CNBD1: variants seen among roughly 807,000 people sequenced by gnomAD.
The protein encoded by CNBD1 is cyclic nucleotide binding domain containing 1.
In CNBD1, 71 loss-of-function variants were observed where a neutral mutation model predicts 54.4. The ratio of observed to expected loss-of-function variants is 1.30; its 90% CI spans 1.08 to 1.59. CNBD1 has a LOEUF of 1.59. Among genes scored for constraint, CNBD1 ranks in the 40% most tolerant of loss-of-function variants. CNBD1 has a pLI of 0.00. For synonymous variants in CNBD1, 182 were observed against 170.7 expected (o/e 1.07, Z -0.51); for missense variants, 659 against 518.0 (o/e 1.27, Z -2.64).
intron 10 of CNBD1, among the ~76,000 whole-genome samples, chr8:87,370,359 T>A (rs1409617661): frequency 6.6e-6 from 1 of 152,150 alleles, no homozygotes; most frequent in Non-Finnish European, 1.5e-5. Context: ...GTAAAAGTGT[T>A]CCTATTTCTC....
chr8:86,867,144 A>G (rs181904667), intron 1 of CNBD1, among the ~76,000 whole-genome samples: 1 of 152,280 alleles, frequency 6.6e-6, no homozygotes, highest in Admixed American at 6.5e-5. Flanking sequence ...AATTGACAGT[A>G]TTTTCTCATT....
At chr8:87,116,309 C>T (rs960608274) in intron 4 of CNBD1, among the ~76,000 whole-genome samples, 4 of 149,518 alleles carry the variant, frequency 2.7e-5, no homozygotes, top group African/African-American at 9.9e-5. Flanking sequence ...TCAAGTGATC[C>T]TCTCAGCTCA....
chr8:86,875,471 A>G (rs1808507086), intron 1 of CNBD1, among the ~76,000 whole-genome samples: 1 of 152,226 alleles, frequency 6.6e-6, no homozygotes, highest in Non-Finnish European at 1.5e-5. Context: ...CTTCTGGAAT[A>G]AGCCACTTTG....
intron 4 of CNBD1, among the ~76,000 whole-genome samples, chr8:87,006,144 T>A (rs1809093124): frequency 1.3e-5 from 2 of 152,146 alleles, no homozygotes; most frequent in South Asian, 4.1e-4. Flanking sequence ...GGAGCAAGCA[T>A]CTCTTTTCCC....
chr8:87,270,889 G>T (rs1808349207), intron 6 of CNBD1, among the ~76,000 whole-genome samples: 1 of 151,732 alleles, frequency 6.6e-6, no homozygotes, highest in East Asian at 1.9e-4. Flanking sequence ...CAGCAGTGAA[G>T]CTGTAATGTC....
At chr8:87,316,103 A>G (rs1384173482) in intron 8 of CNBD1, among the ~76,000 whole-genome samples, 1 of 152,092 alleles carries the variant, frequency 6.6e-6, no homozygotes, top group Non-Finnish European at 1.5e-5. Flanking sequence ...GATTCATCTA[A>G]GAATAATAAA....
rs1481488289 is a variant in CNBD1, at chr8:87,043,017, T to C, written c.431+103263T>C. Among the ~76,000 whole-genome samples, 3 of 152,152 alleles carry C rather than the reference T, an allele frequency of 2.0e-5. 1 individual carries two copies. Among genetic ancestry groups the C allele is most frequent in the Admixed American group, 2.0e-4 (3 of 15,270 alleles). On this transcript the variant is annotated intron_variant, in intron 4 of 10. Coordinates refer to ENST00000518476, the MANE Select transcript of CNBD1 (RefSeq NM_173538.3). ...ATAAAGGAATTTGCCAAGACAGCTG[T>C]AGGTAAGGAAAGGCAGATTTATTAG...
At chr8:87,346,186 C>A (rs1267900640) in intron 8 of CNBD1, among the ~76,000 whole-genome samples, 4 of 151,948 alleles carry the variant, frequency 2.6e-5, no homozygotes, top group Non-Finnish European at 5.9e-5. Flanking sequence ...AGATTACAGG[C>A]ATGCGCCACC....
intron 3 of CNBD1, among the ~76,000 whole-genome samples, chr8:86,912,186 A>G (rs1432494693): frequency 6.6e-6 from 1 of 152,214 alleles, no homozygotes; most frequent in Non-Finnish European, 1.5e-5. Flanking sequence ...GCATTAAAAT[A>G]TCAAAAAAAT....
intron 10 of CNBD1, among the ~76,000 whole-genome samples, chr8:87,378,757 T>A (rs1477374825): frequency 6.6e-6 from 1 of 151,278 alleles, no homozygotes; most frequent in Non-Finnish European, 1.5e-5. Context: ...TATGGACATT[T>A]TCATGATATT....
chr8:87,312,529 A>G (rs188296117), intron 8 of CNBD1, among the ~76,000 whole-genome samples: 1 of 152,080 alleles, frequency 6.6e-6, no homozygotes, highest in Non-Finnish European at 1.5e-5. Flanking sequence ...CATTGCTTTT[A>G]TAAAGAGAGA....
At chr8:87,338,960 T>C (rs1228784178) in intron 8 of CNBD1, among the ~76,000 whole-genome samples, 1 of 152,284 alleles carries the variant, frequency 6.6e-6, no homozygotes, top group South Asian at 2.1e-4. Flanking sequence ...AACTGTAAAC[T>C]TCACATGTGC....
chr8:87,209,118 T>C (rs1366671465), intron 5 of CNBD1, among the ~76,000 whole-genome samples: 4 of 152,106 alleles, frequency 2.6e-5, no homozygotes. Context: ...ATCCAGTCTT[T>C]ATGTAGACTC....
intron 10 of CNBD1, among the ~76,000 whole-genome samples, chr8:87,375,681 G>C (rs572033996): frequency 3.3e-5 from 5 of 151,788 alleles, no homozygotes; most frequent in Non-Finnish European, 5.9e-5. Context: ...ATTATGTCTT[G>C]CAAGACAAAA....
rs148951474 is a variant in CNBD1 at position 86,968,961 on chromosome 8, C to G, written c.431+29207C>G. On this transcript the variant is annotated intron_variant, in intron 4 of 10. Transcript: ENST00000518476. The stretch of plus-strand genomic sequence containing the variant: ...AGCAGAACTGTTTGAGGGTAGAGAT[C>G]TTGGAGCCCACAAGGAATTTTCTTG... Among the ~76,000 whole-genome samples the G allele has an allele frequency of 2.1e-3, 317 of 152,204 alleles. 2 individuals are homozygous for G. The highest frequency in any genetic ancestry group is 7.2e-3 in the African/African-American group (301 of 41,546).
In CNBD1 at chr8:87,305,237, A is replaced by G. The variant is rs532346857; in HGVS notation, c.1042+18566A>G. On this transcript the variant is annotated intron_variant, in intron 8 of 10. Coordinates refer to ENST00000518476, the MANE Select transcript of CNBD1 (RefSeq NM_173538.3). ...ACCTCTACAAGGAAAACTACCAAAC[A>G]CTGCTGAAAGAAATAATAGGTGACA... Among the ~76,000 whole-genome samples, 598 of 152,300 alleles carry G rather than the reference A, an allele frequency of 3.9e-3. 8 individuals are homozygous for G. Among genetic ancestry groups the G allele is most frequent in the African/African-American group, 0.013 (561 of 41,560 alleles).
At chr8:87,083,305 T>C (rs1403639649) in intron 4 of CNBD1, among the ~76,000 whole-genome samples, 3 of 152,196 alleles carry the variant, frequency 2.0e-5, no homozygotes, top group Admixed American at 2.0e-4. Flanking sequence ...TTCCAGGCCC[T>C]CCTAATCCTG....
intron 4 of CNBD1, among the ~76,000 whole-genome samples, chr8:87,100,641 AATTTC>A (rs1414017637): frequency 2.0e-5 from 3 of 152,054 alleles, no homozygotes; most frequent in African/African-American, 4.8e-5. Context: ...ATGCCTGGCT[AATTTC>A]TGTATTTTCA....
intron 4 of CNBD1, among the ~76,000 whole-genome samples, chr8:87,198,610 T>G (rs2130791668): frequency 6.6e-6 from 1 of 151,666 alleles, no homozygotes; most frequent in Non-Finnish European, 1.5e-5. Context: ...GTCCAAAGAG[T>G]TCAAGAAAAG....
Sources: allele counts gnomAD v4.1 joint callset (sites outside exome capture counted in the v4.1 genomes callset), GRCh38; gene constraint gnomAD v4.1.1; transcripts MANE v1.5; gene names NCBI Gene and HGNC (gene_info 2026-07-23, HGNC 2026-07-21).